Variants in C12orf42 observed in about 807,000 individuals in gnomAD.
C12orf42 encodes the protein chromosome 12 open reading frame 42, also known as uncharacterized protein C12orf42.
In C12orf42, 25 loss-of-function variants were observed where a neutral mutation model predicts 21.6. The observed-to-expected ratio is 1.16, with a 90% CI of 0.84 to 1.62. C12orf42 has a LOEUF of 1.62. Among genes scored for constraint, C12orf42 ranks in the 40% most tolerant of loss-of-function variants. The probability of loss-of-function intolerance (pLI) is 0.00; values close to 1 mark genes in which losing one functional copy is unlikely to be tolerated. For synonymous variants in C12orf42, 174 were observed against 175.0 expected, an observed-to-expected ratio of 0.99 and a Z score of 0.05; for missense variants, 483 against 459.3, an observed-to-expected ratio of 1.05 and a Z score of -0.47.
the C12orf42 span, among the ~76,000 whole-genome samples, chr12:103,142,238 T>A: frequency 6.6e-6 from 1 of 152,210 alleles, no homozygotes; most frequent in Non-Finnish European, 1.5e-5. Context: ...GTTAAAGTCA[T>A]AATTTGGTAA....
At chr12:103,144,806 T>C in the C12orf42 span, among the ~76,000 whole-genome samples, 3 of 152,018 alleles carry the variant, frequency 2.0e-5, no homozygotes, top group African/African-American at 7.2e-5. Flanking sequence ...CAGAAAGGGA[T>C]TTTGGGGAAG....
intron 10 of C12orf42, among the ~76,000 whole-genome samples, chr12:103,238,948 C>A (rs1358365802): frequency 1.3e-5 from 2 of 152,158 alleles, no homozygotes; most frequent in African/African-American, 2.4e-5. Flanking sequence ...TCGACCATGG[C>A]TGGCAGCTGA....
intron 4 of C12orf42, among the ~76,000 whole-genome samples, chr12:103,281,945 AAGAAAG>A (rs1485694365): frequency 1.3e-5 from 2 of 151,686 alleles, no homozygotes; most frequent in East Asian, 3.9e-4. Context: ...GAAAGAAAGA[AAGAAAG>A]AAAGAAAGAA....
chr12:103,548,615 G>A, the C12orf42 span: 2 of 152,270 alleles, frequency 1.3e-5, no homozygotes, highest in African/African-American at 2.4e-5. Flanking sequence ...ATAGAATGAA[G>A]ACATCACATG....
At chr12:103,118,621 A>G in the C12orf42 span, among the ~76,000 whole-genome samples, 3 of 151,844 alleles carry the variant, frequency 2.0e-5, no homozygotes, top group Admixed American at 6.6e-5. Flanking sequence ...ACACGGTGAA[A>G]CCCCGTCTCT....
chr12:103,528,481 C>T, the C12orf42 span, among the ~76,000 whole-genome samples: 1 of 152,076 alleles, frequency 6.6e-6, no homozygotes, highest in East Asian at 1.9e-4. Context: ...TGGAGGGGGA[C>T]CCCTCATGAA....
chr12:103,217,671 T>C, the C12orf42 span, among the ~76,000 whole-genome samples: 4 of 152,178 alleles, frequency 2.6e-5, no homozygotes, highest in African/African-American at 4.8e-5. Context: ...AAAACCTTCA[T>C]GAGAGGCTTG....
downstream of C12orf42, chr12:103,267,942 T>C (rs76312768): frequency 0.017 from 2,543 of 152,252 alleles, 96 homozygotes; most frequent in African/African-American, 0.058. Flanking sequence ...GAATAAATAG[T>C]CCTTCCTATA....
chr12:103,292,942 A>G (rs2036917484), intron 4 of C12orf42, among the ~76,000 whole-genome samples: 1 of 152,078 alleles, frequency 6.6e-6, no homozygotes, highest in Admixed American at 6.6e-5. Context: ...GACTAGCTAT[A>G]GAGTCAAACA....
chr12:103,230,408 G>A, the C12orf42 span, among the ~76,000 whole-genome samples: 1 of 152,140 alleles, frequency 6.6e-6, no homozygotes, highest in African/African-American at 2.4e-5. Context: ...CCAAGGAGGA[G>A]TCTTATTTAA....
At chr12:103,148,376 C>T in the C12orf42 span, among the ~76,000 whole-genome samples, 1 of 152,138 alleles carries the variant, frequency 6.6e-6, no homozygotes, top group African/African-American at 2.4e-5. Flanking sequence ...ATTCAAGCCA[C>T]CCCCATAGTT....
chr12:103,207,214 A>G, the C12orf42 span, among the ~76,000 whole-genome samples: 7 of 152,208 alleles, frequency 4.6e-5, no homozygotes. Context: ...TGACCCAGAT[A>G]GAAATATAGC....
intron 2 of C12orf42, among the ~76,000 whole-genome samples, chr12:103,409,716 A>AT (rs1220975106): frequency 6.6e-6 from 1 of 152,134 alleles, no homozygotes; most frequent in Admixed American, 6.6e-5. Flanking sequence ...GATAAATAAG[A>AT]TTTTTTCCCT....
intron 2 of C12orf42, chr12:103,476,856 T>C (rs987141328): frequency 6.6e-6 from 1 of 152,192 alleles, no homozygotes; most frequent in Non-Finnish European, 1.5e-5. Context: ...ATATATCACA[T>C]TGAGTATTAC....
At chr12:103,163,567 C>G in the C12orf42 span, among the ~76,000 whole-genome samples, 319 of 152,256 alleles carry the variant, frequency 2.1e-3, 4 homozygotes, top group East Asian at 0.034. Flanking sequence ...CACAGCTTGA[C>G]CAGTCTGTAT....
intron 2 of C12orf42, among the ~76,000 whole-genome samples, chr12:103,405,309 G>C (rs2048338404): frequency 1.3e-5 from 2 of 152,076 alleles, no homozygotes; most frequent in East Asian, 3.8e-4. Context: ...ATCCAATGAA[G>C]TTTTCAGATA....
In C12orf42 at chr12:103,446,718, T is replaced by G. The variant is rs138061551; in HGVS notation, c.78+31631A>C. On this transcript the variant is annotated intron_variant, in intron 2 of 5. Transcript: ENST00000548883. Reference sequence around the variant, plus strand: ...GTGAGCAGAAGTGGTTATTCTTATATCAGAAAAAAACAGACTTTAAAGCAA... The same window carrying G: ...GTGAGCAGAAGTGGTTATTCTTATAGCAGAAAAAAACAGACTTTAAAGCAA... Among the ~76,000 whole-genome samples the G allele has an allele frequency of 5.7e-3, 863 of 151,768 alleles. 8 individuals are homozygous for G. Among genetic ancestry groups the G allele is most frequent in the African/African-American group, 0.02 (825 of 41,402 alleles).
the C12orf42 span, among the ~76,000 whole-genome samples, chr12:103,110,569 A>G: frequency 6.6e-6 from 1 of 152,204 alleles, no homozygotes; most frequent in Non-Finnish European, 1.5e-5. Context: ...GAAGTTTGAT[A>G]TGTTACTTTC....
chr12:103,543,377 G>A, the C12orf42 span, among the ~76,000 whole-genome samples: 1 of 152,192 alleles, frequency 6.6e-6, no homozygotes, highest in African/African-American at 2.4e-5. Context: ...GGGAAGACGA[G>A]GCAGGAGGAT....
Sources: gnomAD v4.1 joint callset for allele counts (sites outside exome capture counted in the v4.1 genomes callset) on GRCh38, gnomAD v4.1.1 for gene constraint, MANE v1.5 for transcripts, NCBI Gene and HGNC (gene_info 2026-07-23, HGNC 2026-07-21) for gene names.